NR2F1-AS1: variants seen among roughly 807,000 people sequenced by gnomAD.
NR2F1-AS1 encodes the protein NR2F1 antisense RNA 1.
upstream of NR2F1-AS1, among the ~76,000 whole-genome samples, chr5:93,581,673 T>G (rs543935954): frequency 0.016 from 337 of 20,958 alleles, no homozygotes; most frequent in Non-Finnish European, 0.023. Flanking sequence ...TCTCGGTCTC[T>G]CTCTCTCTCT....
intron 4 of NR2F1-AS1, among the ~76,000 whole-genome samples, chr5:93,549,404 G>A (rs1225830342): frequency 6.6e-6 from 1 of 152,082 alleles, no homozygotes; most frequent in African/African-American, 2.4e-5. Context: ...AAAGTAAGGG[G>A]AAAGGCACTG....
intron 4 of NR2F1-AS1, among the ~76,000 whole-genome samples, chr5:93,498,446 C>T (rs1751009888): frequency 6.6e-6 from 1 of 152,048 alleles, no homozygotes; most frequent in South Asian, 2.1e-4. Flanking sequence ...AAAATTCTTA[C>T]TTCTGGCTCA....
At chr5:93,527,479 G>C (rs1344767751) in intron 4 of NR2F1-AS1, among the ~76,000 whole-genome samples, 4 of 152,056 alleles carry the variant, frequency 2.6e-5, no homozygotes, top group African/African-American at 9.7e-5. Context: ...TTTCCTCACA[G>C]AATCAGAAAA....
rs544559984 is a variant in NR2F1-AS1, at chr5:93,556,970, C to A, written n.414-1975G>T. Among the ~76,000 whole-genome samples the A allele has an allele frequency of 6.6e-5, 10 of 152,168 alleles. No homozygotes were observed. The South Asian group carries it at 2.1e-3, about 32-fold the overall frequency. The stretch of plus-strand genomic sequence containing the variant: ...AAAAACAAAAACATTTGTAAGATTA[C>A]AAATCAAAAAAATATCTTGCTATTC... On this transcript the variant is annotated intron_variant and non_coding_transcript_variant, in intron 2 of 5. Coordinates refer to ENST00000660523, the Ensembl canonical transcript of NR2F1-AS1.
At chr5:93,481,785 T>C (rs2149875358) in intron 4 of NR2F1-AS1, among the ~76,000 whole-genome samples, 1 of 151,916 alleles carries the variant, frequency 6.6e-6, no homozygotes, top group South Asian at 2.1e-4. Context: ...TCACAGAAAT[T>C]AAATAACATA....
At chr5:93,530,903 G>T (rs138235587) in intron 4 of NR2F1-AS1, among the ~76,000 whole-genome samples, 1,801 of 150,406 alleles carry the variant, frequency 0.012, 21 homozygotes, top group Non-Finnish European at 0.02. Context: ...AATTTTTTTT[G>T]AAAAAAAATA....
At chr5:93,550,483 T>C (rs1186498609) in intron 4 of NR2F1-AS1, among the ~76,000 whole-genome samples, 1 of 152,214 alleles carries the variant, frequency 6.6e-6, no homozygotes, top group Non-Finnish European at 1.5e-5. Context: ...GTTTTAAAAA[T>C]GCACAATTTC....
intron 4 of NR2F1-AS1, among the ~76,000 whole-genome samples, chr5:93,530,741 T>C (rs2149900229): frequency 6.6e-6 from 1 of 152,310 alleles, no homozygotes; most frequent in East Asian, 1.9e-4. Flanking sequence ...CACAAAGAGT[T>C]CTTCAGTCCT....
intron 4 of NR2F1-AS1, among the ~76,000 whole-genome samples, chr5:93,430,345 G>C (rs968073553): frequency 6.6e-6 from 1 of 152,158 alleles, no homozygotes; most frequent in African/African-American, 2.4e-5. Flanking sequence ...TGCACTCTTC[G>C]TGTCGTGGCA....
chr5:93,467,634 G>A (rs961326214), intron 4 of NR2F1-AS1, among the ~76,000 whole-genome samples: 1 of 152,170 alleles, frequency 6.6e-6, no homozygotes, highest in African/African-American at 2.4e-5. Flanking sequence ...TATTCTGGTA[G>A]AATCCTTTGT....
At chr5:93,430,893 T>C (rs1168513270) in intron 4 of NR2F1-AS1, among the ~76,000 whole-genome samples, 1 of 152,012 alleles carries the variant, frequency 6.6e-6, no homozygotes, top group African/African-American at 2.4e-5. Flanking sequence ...ATCATCATCA[T>C]GGTGAGTGTC....
chr5:93,440,193 G>C (rs370220864), intron 4 of NR2F1-AS1, among the ~76,000 whole-genome samples: 9 of 143,952 alleles, frequency 6.3e-5, no homozygotes, highest in East Asian at 6.1e-4. Flanking sequence ...CTCTCTCTCT[G>C]TCTCTCTCTC....
chr5:93,545,614 G>A (rs1752066666), intron 4 of NR2F1-AS1, among the ~76,000 whole-genome samples: 1 of 152,164 alleles, frequency 6.6e-6, no homozygotes, highest in South Asian at 2.1e-4. Flanking sequence ...TAGGCAAATT[G>A]CTCTTTTTCT....
At chr5:93,565,086 G>A (rs1428012835) in intron 1 of NR2F1-AS1, among the ~76,000 whole-genome samples, 2 of 152,152 alleles carry the variant, frequency 1.3e-5, no homozygotes, top group Non-Finnish European at 2.9e-5. Flanking sequence ...AGGCAATGTG[G>A]AGTGAGGAAA....
rs1481706458 is a variant in NR2F1-AS1, at chr5:93,562,524, G to GCTCAAGCGATCCATCCAC, written n.413+822_413+839dup. ...GCCCAGGCTAGTCTCGAACTCCTGAGCTCAAGCGATCCATCCACCTCAGCC... is the reference window on the plus strand; with the variant it reads ...GCCCAGGCTAGTCTCGAACTCCTGAGCTCAAGCGATCCATCCACCTCAAGCGATCCATCCACCTCAGCC... On this transcript the variant is annotated intron_variant and non_coding_transcript_variant, in intron 2 of 5. Transcript: ENST00000660523. Among the ~76,000 whole-genome samples the GCTCAAGCGATCCATCCAC allele has an allele frequency of 3.9e-5, 6 of 152,230 alleles. 1 individual carries two copies. Among genetic ancestry groups the GCTCAAGCGATCCATCCAC allele is most frequent in the Admixed American group, 3.9e-4 (6 of 15,284 alleles).
chr5:93,466,645 C>T (rs1750239206), intron 4 of NR2F1-AS1, among the ~76,000 whole-genome samples: 2 of 151,836 alleles, frequency 1.3e-5, no homozygotes, highest in South Asian at 4.2e-4. Context: ...ACCTAGAATT[C>T]CTTTGCTATT....
intron 4 of NR2F1-AS1, among the ~76,000 whole-genome samples, chr5:93,417,713 A>C (rs537579986): frequency 2.6e-5 from 4 of 152,222 alleles, no homozygotes; most frequent in Non-Finnish European, 4.4e-5. Flanking sequence ...GAACATGTTC[A>C]TCTTCGCTAC....
At chr5:93,534,139 A>AT (rs1489911771) in intron 4 of NR2F1-AS1, among the ~76,000 whole-genome samples, 1 of 152,192 alleles carries the variant, frequency 6.6e-6, no homozygotes, top group Non-Finnish European at 1.5e-5. Context: ...GTAAAATAAC[A>AT]TGTTATTACT....
intron 4 of NR2F1-AS1, among the ~76,000 whole-genome samples, chr5:93,539,697 C>T (rs1751910471): frequency 6.6e-6 from 1 of 152,054 alleles, no homozygotes; most frequent in Non-Finnish European, 1.5e-5. Flanking sequence ...TTCTATTACA[C>T]AGTAAGGTAA....
Sources: allele counts gnomAD v4.1 joint callset (sites outside exome capture counted in the v4.1 genomes callset), GRCh38; gene constraint gnomAD v4.1.1; transcripts MANE v1.5; gene names NCBI Gene and HGNC (gene_info 2026-07-23, HGNC 2026-07-21).